Variants in CFAP20DC observed in about 807,000 individuals in gnomAD.
The protein encoded by CFAP20DC is CFAP20 domain containing.
CFAP20DC carries 84 observed loss-of-function variants against 101.7 expected under a neutral mutation model. The ratio of observed to expected loss-of-function variants is 0.83; its 90% CI spans 0.69 to 0.99. The LOEUF is 0.99. Ranked by LOEUF, CFAP20DC falls within the 50% of genes least tolerant of loss-of-function variation. The probability of loss-of-function intolerance (pLI) is 0.00; values close to 1 mark genes in which losing one functional copy is unlikely to be tolerated. For missense variants in CFAP20DC, 1,007 were observed against 970.3 expected, an observed-to-expected ratio of 1.04 and a Z score of -0.50; for synonymous variants, 359 against 351.2, an observed-to-expected ratio of 1.02 and a Z score of -0.25.
intron 13 of CFAP20DC, among the ~76,000 whole-genome samples, chr3:58,847,264 C>T (rs199531403): frequency 0.16 from 20,393 of 130,894 alleles, 2,518 homozygotes; most frequent in African/African-American, 0.38. Context: ...GCAACCTACT[C>T]ATCTGACAAA....
intron 5 of CFAP20DC, among the ~76,000 whole-genome samples, chr3:58,933,041 GAC>G (rs1407806347): frequency 1.3e-5 from 2 of 152,108 alleles, no homozygotes; most frequent in African/African-American, 2.4e-5. Flanking sequence ...CACGTGCAGA[GAC>G]ACACATAGGC....
At chr3:58,924,617 G>A (rs1260261554) in intron 5 of CFAP20DC, among the ~76,000 whole-genome samples, 1 of 152,114 alleles carries the variant, frequency 6.6e-6, no homozygotes, top group Non-Finnish European at 1.5e-5. Context: ...GGGCCAAATG[G>A]TAGTTCTATT....
Position 58,991,285 on chromosome 3 carries a change from G to A in CFAP20DC, c.278+48272C>T, listed in dbSNP as rs531187716. Among the ~76,000 whole-genome samples the A allele has an allele frequency of 8.5e-5, 13 of 152,242 alleles. No individual in the cohort carries two copies. The East Asian group carries it at 1.9e-3, about 23-fold the overall frequency. ...CATCTCCAACCAGATTTCTTCAGCT[G>A]TGACCTCTGACAGAGGCTCAGTAAC... On this transcript the variant is annotated intron_variant, in intron 4 of 16. Coordinates refer to ENST00000482387, the MANE Select transcript of CFAP20DC (RefSeq NM_001394063.1).
At chr3:58,813,587 T>C (rs910285370) in intron 14 of CFAP20DC, among the ~76,000 whole-genome samples, 3 of 151,926 alleles carry the variant, frequency 2.0e-5, no homozygotes, top group Non-Finnish European at 4.4e-5. Context: ...TCATACTCCT[T>C]AGCTTCCAGA....
chr3:59,039,679 G>C lies in CFAP20DC; in HGVS notation c.206-50C>G, dbSNP rs529416047. 4.3e-4 allele frequency: 487 copies of C among 1,135,958 alleles called. 6 individuals carry two copies. In the South Asian group the frequency reaches 5.8e-3, roughly 14 times the overall value. The allele number at this position is 1,135,958 out of a possible 1,614,324, so 70.4% of individuals were successfully genotyped here. A position where few individuals can be genotyped will look rare whatever the true frequency, so the allele number is the denominator to read the frequency against. On this transcript the variant is annotated intron_variant, in intron 3 of 16. Coordinates refer to ENST00000482387, the MANE Select transcript of CFAP20DC (RefSeq NM_001394063.1). ...TCAAATGTTCGAAGCATTTATATGTGCATATAAACAAACACAATCACAAAC... is the reference window on the plus strand; with the variant it reads ...TCAAATGTTCGAAGCATTTATATGTCCATATAAACAAACACAATCACAAAC...
intron 13 of CFAP20DC, among the ~76,000 whole-genome samples, chr3:58,846,272 C>G (rs1311824708): frequency 6.6e-6 from 1 of 151,904 alleles, no homozygotes; most frequent in Non-Finnish European, 1.5e-5. Flanking sequence ...ATCCCATTGT[C>G]TCAGCCCAAA....
rs2093670805 is a variant in CFAP20DC, at chr3:59,015,539, GA to G, written c.278+24017del. Among the ~76,000 whole-genome samples, 1 of 151,640 alleles carries G rather than the reference GA, an allele frequency of 6.6e-6. No individual in the cohort carries two copies. The highest frequency in any genetic ancestry group is 2.4e-5 in the African/African-American group (1 of 41,292). On this transcript the variant is annotated intron_variant, in intron 4 of 16. Transcript: ENST00000482387. This position sits in a 1 kb window ranked among gnomAD's most constrained non-coding sequence, Gnocchi z 5.4. Reference sequence around the variant, plus strand: ...AAAGGGGAGAAAGAAAAAGGAAGAGGAAAAGAAGGAAAGAGGAAGGAGGAGG... The same window carrying G: ...AAAGGGGAGAAAGAAAAAGGAAGAGGAAAGAAGGAAAGAGGAAGGAGGAGG...
At chr3:59,021,910 G>A (rs1035435896) in intron 4 of CFAP20DC, among the ~76,000 whole-genome samples, 1 of 152,028 alleles carries the variant, frequency 6.6e-6, no homozygotes, top group African/African-American at 2.4e-5. Flanking sequence ...CATGTTCTTC[G>A]AGTACATATC....
chr3:59,039,785 C>A (rs1465924668), intron 3 of CFAP20DC, among the ~76,000 whole-genome samples, 156 bp from the exon 4 acceptor site: 1 of 151,720 alleles, frequency 6.6e-6, no homozygotes, highest in Non-Finnish European at 1.5e-5. Flanking sequence ...AACCTCATTA[C>A]GAAAGCAAAA....
At chr3:58,916,265 T>A (rs2084699191) in intron 5 of CFAP20DC, among the ~76,000 whole-genome samples, 1 of 152,058 alleles carries the variant, frequency 6.6e-6, no homozygotes, top group South Asian at 2.1e-4. Context: ...GGACATGACA[T>A]GCTGGGGATT....
At chr3:58,925,625 T>C (rs1334946801) in intron 5 of CFAP20DC, among the ~76,000 whole-genome samples, 1 of 152,194 alleles carries the variant, frequency 6.6e-6, no homozygotes, top group Non-Finnish European at 1.5e-5. Flanking sequence ...AATAACAACA[T>C]CAACTAACAG....
At chr3:58,991,230 C>T (rs1361986713) in intron 4 of CFAP20DC, among the ~76,000 whole-genome samples, 1 of 152,168 alleles carries the variant, frequency 6.6e-6, no homozygotes, top group African/African-American at 2.4e-5. Flanking sequence ...CCTTAACAAA[C>T]TGTAGTTGAA....
At chr3:58,973,403 A>G (rs1437814465) in intron 4 of CFAP20DC, among the ~76,000 whole-genome samples, 2 of 152,126 alleles carry the variant, frequency 1.3e-5, no homozygotes, top group Non-Finnish European at 2.9e-5. Context: ...CTCCTATACT[A>G]TCACTCTTGC....
Position 58,899,282 on chromosome 3 carries a change from G to A in CFAP20DC, c.550+14426C>T, listed in dbSNP as rs964873782. 6.6e-6 allele frequency among the ~76,000 whole-genome samples: 1 copy of A among 152,236 alleles called. No homozygotes were observed. Among genetic ancestry groups the A allele is most frequent in the African/African-American group, 2.4e-5 (1 of 41,466 alleles). ...TGTCTGGACTCTCCAGAGCTGGCAG[G>A]TTGGAACTGCTGAGTTGCCTAAACC... On this transcript the variant is annotated intron_variant, in intron 6 of 16. Transcript: ENST00000482387. This position sits in a 1 kb window ranked among gnomAD's most constrained non-coding sequence, Gnocchi z 5.0.
chr3:59,045,442 C>A (rs908928815), intron 3 of CFAP20DC, among the ~76,000 whole-genome samples: 1 of 151,812 alleles, frequency 6.6e-6, no homozygotes, highest in African/African-American at 2.4e-5. Context: ...AAACATAGGA[C>A]GTAGTTGATG....
At chr3:58,842,155 G>C (rs953927401) in intron 13 of CFAP20DC, among the ~76,000 whole-genome samples, 1 of 152,158 alleles carries the variant, frequency 6.6e-6, no homozygotes, top group African/African-American at 2.4e-5. Flanking sequence ...ACCAGTACTC[G>C]GAGGAGCCAA....
chr3:59,011,637 C>CA (rs1009104430), intron 4 of CFAP20DC, among the ~76,000 whole-genome samples: 5 of 151,170 alleles, frequency 3.3e-5, no homozygotes, highest in Admixed American at 6.6e-5. Context: ...GAAATGGAAA[C>CA]AAAAAAAATA....
intron 4 of CFAP20DC, among the ~76,000 whole-genome samples, chr3:59,037,022 G>A (rs2094116486): frequency 6.6e-6 from 1 of 152,136 alleles, no homozygotes; most frequent in African/African-American, 2.4e-5. Context: ...ACAAAAACAA[G>A]AAATGGGGAA....
chr3:58,960,441 G>A (rs1194638898), intron 4 of CFAP20DC, among the ~76,000 whole-genome samples: 8 of 148,640 alleles, frequency 5.4e-5, no homozygotes, highest in South Asian at 2.1e-4. Flanking sequence ...GCAGTGAGCC[G>A]AGATCACACC....
Sources: gnomAD v4.1 joint callset for allele counts (sites outside exome capture counted in the v4.1 genomes callset) on GRCh38, gnomAD v4.1.1 for gene constraint, Gnocchi (gnomAD v3.1) non-coding constraint, MANE v1.5 for transcripts, NCBI Gene and HGNC (gene_info 2026-07-23, HGNC 2026-07-21) for gene names.